Variants in ERC1 observed in about 807,000 individuals in gnomAD.
ERC1 encodes RAB6 interacting protein 2.
A neutral mutation model predicts 132.0 loss-of-function variants in ERC1; 56 were observed. The ratio of observed to expected loss-of-function variants is 0.42; its 90% CI spans 0.34 to 0.53. The LOEUF is 0.53. Ranked by LOEUF, ERC1 falls within the 20% of genes least tolerant of loss-of-function variation. The probability of loss-of-function intolerance (pLI) is 0.03; values close to 1 mark genes in which losing one functional copy is unlikely to be tolerated. For synonymous variants in ERC1, 478 were observed against 476.1 expected (o/e 1.00, Z -0.05); for missense variants, 1,202 against 1,349.9 (o/e 0.89, Z 1.72).
intron 2 of ERC1, among the ~76,000 whole-genome samples, chr12:1,076,300 T>A: frequency 6.6e-6 from 1 of 152,184 alleles, no homozygotes; most frequent in Non-Finnish European, 1.5e-5. Context: ...AGCATATAAT[T>A]AACATTTTTA....
chr12:1,255,689 G>T (rs111706267), intron 13 of ERC1, among the ~76,000 whole-genome samples: 1 of 133,486 alleles, frequency 7.5e-6, no homozygotes, highest in Non-Finnish European at 1.5e-5. Context: ...CTGGAGTGCA[G>T]TGGCGTGATC....
chr12:1,244,651 A>G (rs1202535802), intron 13 of ERC1: 1 of 417,094 alleles, frequency 2.4e-6, no homozygotes, highest in Non-Finnish European at 4.8e-6. Context: ...CCACCCGAGT[A>G]GCTGGGATTC....
intron 15 of ERC1, among the ~76,000 whole-genome samples, chr12:1,322,677 T>G (rs577358982): frequency 1.3e-5 from 2 of 152,192 alleles, no homozygotes; most frequent in African/African-American, 2.4e-5. Flanking sequence ...TTTTCTCACC[T>G]GATAAAATTT....
intron 16 of ERC1, among the ~76,000 whole-genome samples, chr12:1,385,337 C>T (rs890998385): frequency 6.6e-6 from 1 of 151,978 alleles, no homozygotes; most frequent in African/African-American, 2.4e-5. Context: ...GGCTGGAGTG[C>T]AGTGGTGTGA....
intron 3 of ERC1, among the ~76,000 whole-genome samples, chr12:1,096,176 C>T (rs1354972707): frequency 6.6e-6 from 1 of 152,122 alleles, no homozygotes; most frequent in Non-Finnish European, 1.5e-5. Flanking sequence ...GATCTGCCTG[C>T]CTTGGTTTCC....
chr12:1,022,949 C>A (rs1234000407), intron 1 of ERC1, among the ~76,000 whole-genome samples: 1 of 152,108 alleles, frequency 6.6e-6, no homozygotes, highest in African/African-American at 2.4e-5. Flanking sequence ...GGGCTCTTCC[C>A]CCTTTGCTTG....
intron 15 of ERC1, among the ~76,000 whole-genome samples, chr12:1,346,850 G>A (rs935699970): frequency 6.6e-6 from 1 of 151,126 alleles, no homozygotes; most frequent in Non-Finnish European, 1.5e-5. Context: ...GCTGAGGCAG[G>A]AGAATGGTGT....
chr12:1,037,598 T>C (rs931337151), intron 2 of ERC1, among the ~76,000 whole-genome samples: 1 of 152,232 alleles, frequency 6.6e-6, no homozygotes, highest in Non-Finnish European at 1.5e-5. Context: ...ATTTTAATTA[T>C]ACTCTTAAGT....
chr12:1,490,774 T>C lies in ERC1; in HGVS notation c.*544T>C, dbSNP rs11061780. On this transcript the variant is annotated 3_prime_UTR_variant, in exon 19 of 19. Coordinates refer to ENST00000360905, the MANE Select transcript of ERC1 (RefSeq NM_178040.4). The stretch of plus-strand genomic sequence containing the variant: ...ATCGACTCTTCTTTTTACTGTCTCT[T>C]CTGCTTACTTTCCACATGAGATGCT... 407 of 234,090 alleles carry C rather than the reference T, an allele frequency of 1.7e-3. 4 individuals are homozygous for C. The East Asian group carries it at 0.023, about 13-fold the overall frequency. The allele number at this position is 234,090 out of a possible 1,614,324, so 14.5% of individuals were successfully genotyped here.
intron 16 of ERC1, among the ~76,000 whole-genome samples, chr12:1,383,775 G>A (rs184704897): frequency 3.9e-5 from 6 of 152,312 alleles, no homozygotes; most frequent in African/African-American, 7.2e-5. Context: ...ATTATCACAT[G>A]ACTTTCTGGA....
intron 12 of ERC1, among the ~76,000 whole-genome samples, chr12:1,222,473 C>A (rs776676516): frequency 3.3e-5 from 5 of 152,078 alleles, no homozygotes; most frequent in Non-Finnish European, 2.9e-5. Flanking sequence ...TCTTGTCCCC[C>A]CAAAGTGCTG....
At chr12:1,026,454 G>A (rs1966902471) in intron 1 of ERC1, among the ~76,000 whole-genome samples, 1 of 152,166 alleles carries the variant, frequency 6.6e-6, no homozygotes, top group African/African-American at 2.4e-5. Flanking sequence ...TTTAGACCCT[G>A]TTCTTGGGCT....
chr12:1,134,449 C>A (rs1027790102), intron 7 of ERC1, among the ~76,000 whole-genome samples: 2 of 151,252 alleles, frequency 1.3e-5, no homozygotes, highest in Admixed American at 1.3e-4. Context: ...TGGGCTCAAG[C>A]GATCTTCCTG....
chr12:1,292,595 G>C (rs2079532465), intron 15 of ERC1, among the ~76,000 whole-genome samples: 1 of 152,034 alleles, frequency 6.6e-6, no homozygotes, highest in South Asian at 2.1e-4. Flanking sequence ...GCCAAAAAAA[G>C]GTCTCCCACA....
At chr12:1,318,477 C>T (rs1464018090) in intron 15 of ERC1, among the ~76,000 whole-genome samples, 1 of 152,160 alleles carries the variant, frequency 6.6e-6, no homozygotes, top group African/African-American at 2.4e-5. Flanking sequence ...TCAAACTGTT[C>T]GGAGTACAGT....
intron 12 of ERC1, among the ~76,000 whole-genome samples, chr12:1,201,763 C>T (rs1382154600): frequency 2.0e-5 from 3 of 152,032 alleles, no homozygotes; most frequent in Admixed American, 6.6e-5. Context: ...GAAATTAAGC[C>T]GTATGCAAGA....
At chr12:1,476,511 A>G (rs1470575755) in intron 18 of ERC1, among the ~76,000 whole-genome samples, 3 of 152,244 alleles carry the variant, frequency 2.0e-5, no homozygotes, top group East Asian at 1.9e-4. Flanking sequence ...GAAGTGGCCA[A>G]TAAATATATA....
chr12:1,446,669 G>A (rs921330876), intron 18 of ERC1, among the ~76,000 whole-genome samples: 2 of 152,180 alleles, frequency 1.3e-5, no homozygotes, highest in Admixed American at 6.5e-5. Context: ...GCAAACTGGT[G>A]AGCCTTAGAG....
At chr12:1,315,372 A>G (rs981411199) in intron 15 of ERC1, among the ~76,000 whole-genome samples, 7 of 149,866 alleles carry the variant, frequency 4.7e-5, no homozygotes, top group African/African-American at 1.7e-4. Flanking sequence ...TTTTTTTGAG[A>G]TGAAGCCTTG....
Sources: gnomAD v4.1 joint callset for allele counts (sites outside exome capture counted in the v4.1 genomes callset) on GRCh38, gnomAD v4.1.1 for gene constraint, MANE v1.5 for transcripts, NCBI Gene and HGNC (gene_info 2026-07-23, HGNC 2026-07-21) for gene names.